Variants in NCOA2 observed in about 807,000 individuals in gnomAD.
The protein encoded by NCOA2 is class E basic helix-loop-helix protein 75.
Under a neutral mutation model 145.1 loss-of-function variants are expected in NCOA2, and 21 were observed. That is an observed-to-expected ratio of 0.14 (90% CI 0.10 to 0.21). The LOEUF (loss-of-function observed/expected upper bound fraction) is 0.21, where lower values mean the gene tolerates loss of function less well. NCOA2 is among the 10% of genes least tolerant of loss of function. The probability of loss-of-function intolerance (pLI) is 1.00; values close to 1 mark genes in which losing one functional copy is unlikely to be tolerated. For synonymous variants in NCOA2, 619 were observed against 637.5 expected (o/e 0.97, Z 0.44); for missense variants, 1,472 against 1,837.6 (o/e 0.80, Z 3.64).
At chr8:70,355,593 T>TG (rs1477096582) in intron 1 of NCOA2, among the ~76,000 whole-genome samples, 11 of 152,176 alleles carry the variant, frequency 7.2e-5, no homozygotes, top group African/African-American at 2.6e-4. Context: ...CTTTTTTTTT[T>TG]TCTCTCATCG....
chr8:70,316,093 C>T (rs1563755663), intron 1 of NCOA2, among the ~76,000 whole-genome samples: 1 of 152,066 alleles, frequency 6.6e-6, no homozygotes, highest in Non-Finnish European at 1.5e-5. Context: ...GTCATCCGCA[C>T]GATGCATAAG....
At chr8:70,214,433 T>C (rs1334108190) in intron 3 of NCOA2, among the ~76,000 whole-genome samples, 1 of 152,132 alleles carries the variant, frequency 6.6e-6, no homozygotes, top group East Asian at 1.9e-4. Context: ...GTAAAGGAGG[T>C]TATATTTTAA....
At chr8:70,363,079 TAAAAAAAAAA>T (rs777122942) in intron 1 of NCOA2, among the ~76,000 whole-genome samples, 1 of 99,810 alleles carries the variant, frequency 1.0e-5, no homozygotes, top group Non-Finnish European at 2.0e-5. Context: ...ACTCTGTCTT[TAAAAAAAAAA>T]AAAAAAAAAA....
At chr8:70,396,672 A>G (rs1008167320) in intron 1 of NCOA2, among the ~76,000 whole-genome samples, 1 of 152,170 alleles carries the variant, frequency 6.6e-6, no homozygotes, top group Non-Finnish European at 1.5e-5. Context: ...AAAGCTAGAG[A>G]CTATTCATGG....
chr8:70,231,869 A>T (rs1821169988), intron 2 of NCOA2, among the ~76,000 whole-genome samples: 1 of 152,158 alleles, frequency 6.6e-6, no homozygotes, highest in Non-Finnish European at 1.5e-5. Flanking sequence ...GTTCACCAAC[A>T]TGCAGCTTAA....
At chr8:70,129,193 C>T (rs73687604) in intron 16 of NCOA2, among the ~76,000 whole-genome samples, 1,728 of 152,084 alleles carry the variant, frequency 0.011, 18 homozygotes, top group African/African-American at 0.015. Flanking sequence ...GGACAGAAGC[C>T]GGGGTCACAC....
At chr8:70,423,860 G>A in the NCOA2 span, among the ~76,000 whole-genome samples, 3 of 152,120 alleles carry the variant, frequency 2.0e-5, no homozygotes, top group Non-Finnish European at 4.4e-5. Flanking sequence ...CAGCAATAGA[G>A]CCAGCACAGG....
At chr8:70,133,016 T>C (rs925673561) in intron 15 of NCOA2, among the ~76,000 whole-genome samples, 2 of 152,038 alleles carry the variant, frequency 1.3e-5, no homozygotes, top group African/African-American at 2.4e-5. Context: ...CTAAATTACA[T>C]GGTACATACA....
At chr8:70,230,782 C>A (rs1271904463) in intron 2 of NCOA2, among the ~76,000 whole-genome samples, 1 of 152,102 alleles carries the variant, frequency 6.6e-6, no homozygotes, top group African/African-American at 2.4e-5. Context: ...ATTCCTACCA[C>A]CCAGAGAACA....
At position 70,298,755 on chromosome 8, in the gene NCOA2, T is replaced by C. The variant is rs564188478; in HGVS notation, c.-76-1955A>G. Among the ~76,000 whole-genome samples the C allele has an allele frequency of 2.0e-5, 3 of 152,306 alleles. No individual in the cohort carries two copies. The South Asian group carries it at 6.2e-4, about 32-fold the overall frequency. On this transcript the variant is annotated intron_variant, in intron 1 of 22. Coordinates refer to ENST00000452400, the MANE Select transcript of NCOA2 (RefSeq NM_006540.4). ...CCATAACATGAGGCAAAAGTGTCAATGCACCCATGCTAAAGAAAGATGTTA... is the reference window on the plus strand; with the variant it reads ...CCATAACATGAGGCAAAAGTGTCAACGCACCCATGCTAAAGAAAGATGTTA...
chr8:70,347,830 A>C (rs1353010272), intron 1 of NCOA2, among the ~76,000 whole-genome samples: 1 of 152,216 alleles, frequency 6.6e-6, no homozygotes, highest in Non-Finnish European at 1.5e-5. Context: ...CACTCCAAGA[A>C]CAAGACTTGT....
upstream of NCOA2, among the ~76,000 whole-genome samples, chr8:70,408,137 C>G (rs184868463): frequency 9.4e-4 from 143 of 152,310 alleles, no homozygotes; most frequent in African/African-American, 3.1e-3. Context: ...GAGTTTCAAT[C>G]TTGGCTCTTA....
At chr8:70,276,845 C>T (rs1194270217) in intron 2 of NCOA2, among the ~76,000 whole-genome samples, 3 of 152,088 alleles carry the variant, frequency 2.0e-5, no homozygotes. Flanking sequence ...GATATACAGA[C>T]CTTTAAAAAA....
At chr8:70,202,599 A>G (rs1196779274) in intron 4 of NCOA2, among the ~76,000 whole-genome samples, 1 of 152,212 alleles carries the variant, frequency 6.6e-6, no homozygotes, top group African/African-American at 2.4e-5. Context: ...TCACAAAAAG[A>G]CAAATACTGC....
At chr8:70,162,550 T>G (rs1585904639) in intron 9 of NCOA2, among the ~76,000 whole-genome samples, 161 bp downstream of exon 9, 1 of 152,282 alleles carries the variant, frequency 6.6e-6, no homozygotes, top group Middle Eastern at 3.4e-3. Context: ...GTCCTACAGG[T>G]TCTCCTGTTA....
chr8:70,325,373 A>AG (rs993727639), intron 1 of NCOA2, among the ~76,000 whole-genome samples: 13 of 152,212 alleles, frequency 8.5e-5, no homozygotes, highest in Non-Finnish European at 1.8e-4. Context: ...TAATTAACAA[A>AG]GGGCAGTCTC....
intron 2 of NCOA2, among the ~76,000 whole-genome samples, chr8:70,293,833 C>T (rs1369109111): frequency 1.3e-5 from 2 of 152,112 alleles, no homozygotes; most frequent in Non-Finnish European, 2.9e-5. Context: ...CCTAGCTGTA[C>T]ATTAAAAATC....
intron 10 of NCOA2, among the ~76,000 whole-genome samples, chr8:70,158,489 G>C (rs1006808306): frequency 1.3e-5 from 2 of 152,242 alleles, no homozygotes; most frequent in South Asian, 2.1e-4. Context: ...ATTTGAACCA[G>C]AGAACAAAAA....
chr8:70,403,337 TCGCCCGCG>T (rs1440666034), intron 1 of NCOA2, among the ~76,000 whole-genome samples: 1 of 150,320 alleles, frequency 6.7e-6, no homozygotes, highest in Non-Finnish European at 1.5e-5. Context: ...CGCTCACCTC[TCGCCCGCG>T]CCGCGGGCTG....
Sources: allele counts gnomAD v4.1 joint callset (sites outside exome capture counted in the v4.1 genomes callset), GRCh38; gene constraint gnomAD v4.1.1; transcripts MANE v1.5; gene names NCBI Gene and HGNC (gene_info 2026-07-23, HGNC 2026-07-21).